MACF1: variants seen among roughly 807,000 people sequenced by gnomAD.
The protein encoded by MACF1 is microtubule actin crosslinking factor 1, also known as microtubule-actin cross-linking factor 1.
A neutral mutation model predicts 854.8 loss-of-function variants in MACF1; 193 were observed. The observed-to-expected ratio is 0.23, with a 90% CI of 0.20 to 0.25. MACF1 has a LOEUF of 0.25. Ranked by LOEUF, MACF1 falls within the 10% of genes least tolerant of loss-of-function variation. The pLI, the probability that MACF1 is intolerant of heterozygous loss-of-function variation, is 1.00. For missense variants in MACF1, 7,722 were observed against 8,929.1 expected (o/e 0.86, Z 5.45); for synonymous variants, 3,185 against 3,226.7 (o/e 0.99, Z 0.44).
intron 100 of MACF1, chr1:39,485,108 C>T: frequency 3.1e-6 from 1 of 323,742 alleles, no homozygotes; most frequent in Non-Finnish European, 5.7e-6. Flanking sequence ...CCAAGAAAGG[C>T]AGGGGAAGAT....
intron 2 of MACF1, among the ~76,000 whole-genome samples, chr1:39,123,203 A>ATTT (rs10585991): frequency 0.053 from 5,945 of 111,472 alleles, 308 homozygotes; most frequent in Middle Eastern, 0.14. Context: ...ATATATATAA[A>ATTT]TTTTTTTTTT....
intron 2 of MACF1, among the ~76,000 whole-genome samples, chr1:39,177,924 T>C (rs904279195): frequency 2.0e-5 from 3 of 152,068 alleles, no homozygotes; most frequent in Non-Finnish European, 4.4e-5. Flanking sequence ...CCCCATTGAA[T>C]AAGTAAAATG....
chr1:39,160,562 A>G (rs949783889), intron 2 of MACF1, among the ~76,000 whole-genome samples: 1 of 152,242 alleles, frequency 6.6e-6, no homozygotes, highest in African/African-American at 2.4e-5. Context: ...AACATACAAT[A>G]TATAGCAGTT....
intron 1 of MACF1, among the ~76,000 whole-genome samples, chr1:39,216,549 A>G (rs1644578932): frequency 6.6e-6 from 1 of 152,220 alleles, no homozygotes; most frequent in Non-Finnish European, 1.5e-5. Flanking sequence ...GGAGAGCAAC[A>G]GAACTAGGGT....
chr1:39,339,906 T>C (rs1646898062), intron 38 of MACF1, among the ~76,000 whole-genome samples: 1 of 152,050 alleles, frequency 6.6e-6, no homozygotes, highest in Admixed American at 6.6e-5. Flanking sequence ...TTGGGTAGGG[T>C]GGCTGAACCG....
Position 39,430,919 on chromosome 1 carries a change from T to C in MACF1, c.17337+11T>C. On this transcript the variant is annotated intron_variant, in intron 66 of 100. Transcript: ENST00000564288. ...CAGAGATCACAACAGGTAATGCTTA[T>C]AATACCTCTGCATTAATATTTTAGA... 3 of 1,600,604 alleles carry C rather than the reference T, an allele frequency of 1.9e-6. No homozygotes were observed. Among genetic ancestry groups the C allele is most frequent in the Non-Finnish European group, 2.6e-6 (3 of 1,169,324 alleles).
chr1:39,301,709 G>A (rs759822061), intron 22 of MACF1, among the ~76,000 whole-genome samples: 1 of 152,064 alleles, frequency 6.6e-6, no homozygotes, highest in Non-Finnish European at 1.5e-5. Flanking sequence ...ACAGGCATAA[G>A]CCACTGCGCC....
At chr1:39,327,821 G>A (rs568551806) in intron 36 of MACF1, among the ~76,000 whole-genome samples, 1 of 152,240 alleles carries the variant, frequency 6.6e-6, no homozygotes, top group Non-Finnish European at 1.5e-5. Flanking sequence ...TGACTAAGAC[G>A]CTGGTTCCCC....
intron 58 of MACF1, among the ~76,000 whole-genome samples, chr1:39,402,356 C>T (rs1569898820): frequency 6.6e-6 from 1 of 152,116 alleles, no homozygotes; most frequent in East Asian, 1.9e-4. Flanking sequence ...TCAGGGAAAC[C>T]TACCCTGAGC....
At chr1:39,410,732 C>T (rs1200356537) in intron 58 of MACF1, 2 of 1,613,940 alleles carry the variant, frequency 1.2e-6, no homozygotes, top group South Asian at 2.2e-5. Context: ...AGTGAGGTTT[C>T]AGAAGCTGGT....
At chr1:39,479,189 G>A (rs544075281) in intron 97 of MACF1, among the ~76,000 whole-genome samples, 2 of 152,086 alleles carry the variant, frequency 1.3e-5, no homozygotes, top group Non-Finnish European at 2.9e-5. Context: ...TCACTTAACA[G>A]TTTCTCACTA....
At position 39,331,883 on chromosome 1, in the gene MACF1, G is replaced by T; in HGVS notation, c.5295G>T (p.Leu1765Phe). The T allele has an allele frequency of 6.2e-7, 1 of 1,614,156 alleles. No homozygotes were observed. Among genetic ancestry groups the T allele is most frequent in the East Asian group, 2.2e-5 (1 of 44,878 alleles). ...TAGATAGGCAGGTCACTGTCCGGTTGCTGGAAGCTCAGCTTTTTGCTGGTG... is the reference window on the plus strand; with the variant it reads ...TAGATAGGCAGGTCACTGTCCGGTTTCTGGAAGCTCAGCTTTTTGCTGGTG... ...GLIDRQVTVR[L>F]LEAQLFAGGI... is the part of the protein sequence containing the mutation. Residue 1765 changes from leucine to phenylalanine, a missense_variant, in exon 37 of 101, where the codon TTG (leucine) becomes TTT (phenylalanine). Leu to Phe is a conservative substitution (Grantham distance 22). This residue lies in a region of MACF1 where 1,531 missense variants were observed against 1,601.6 expected (regional missense o/e 0.96). Transcript: ENST00000564288.
At chr1:39,086,923 C>T (rs762890972) in intron 2 of MACF1, among the ~76,000 whole-genome samples, 6 of 152,178 alleles carry the variant, frequency 3.9e-5, no homozygotes, top group Non-Finnish European at 7.3e-5. Context: ...GGGGAGACTG[C>T]CATGGTTAAA....
At position 39,437,957 on chromosome 1, in the gene MACF1, G is replaced by A. The variant is rs1557654691; in HGVS notation, c.18169G>A (p.Glu6057Lys). The change falls in exon 71 of 101, where the codon GAG (glutamate) becomes AAG (lysine). Residue 6057 changes from glutamate to lysine, a missense_variant. Coordinates refer to ENST00000564288, the MANE Select transcript of MACF1 (RefSeq NM_001394062.1). The stretch of plus-strand genomic sequence containing the variant: ...CTTTGAGGCCTTGAAGCGCCGTGGA[G>A]AGGAGCTTATTGGACGATCTCAGGG... ...PSFEALKRRG[E>K]ELIGRSQGAD... The A allele has an allele frequency of 2.5e-6, 4 of 1,614,130 alleles. No homozygotes were observed. The East Asian group carries it at 8.9e-5, about 36-fold the overall frequency.
At chr1:39,389,551 G>A (rs1007577000) in intron 58 of MACF1, among the ~76,000 whole-genome samples, 2 of 151,412 alleles carry the variant, frequency 1.3e-5, no homozygotes, top group African/African-American at 4.9e-5. Flanking sequence ...GTAGAGATGG[G>A]GTTTCACCAT....
At chr1:39,453,921 T>C (rs1644385807) in intron 88 of MACF1, 71 bp downstream of exon 88, 1 of 1,501,164 alleles carries the variant, frequency 6.7e-7, no homozygotes, top group Non-Finnish European at 9.0e-7. Flanking sequence ...ATAGTATTTT[T>C]CCCCCAGGTA....
intron 58 of MACF1, chr1:39,411,360 A>G (rs1642993760): frequency 6.2e-7 from 1 of 1,613,932 alleles, no homozygotes. Context: ...AAGAAAGAGA[A>G]CAAGCAAACA....
At chr1:39,085,497 G>A (rs1367475241) in intron 2 of MACF1, among the ~76,000 whole-genome samples, 2 of 152,094 alleles carry the variant, frequency 1.3e-5, no homozygotes, top group Non-Finnish European at 2.9e-5. Flanking sequence ...CCTCCACTGT[G>A]TCATCTCTCA....
At position 39,347,312 on chromosome 1, in the gene MACF1, G is replaced by A. The variant is rs778962051; in HGVS notation, c.10815+102G>A. 4.5e-4 allele frequency: 395 copies of A among 881,822 alleles called. 2 individuals carry two copies. Among genetic ancestry groups the A allele is most frequent in the Admixed American group, 7.5e-5 (3 of 40,238 alleles). The allele number at this position is 881,822 out of a possible 1,614,324, so 54.6% of individuals were successfully genotyped here. ...GTGTATCATGATTGCAGGAGCCTGG[G>A]TTTACCAATTTTGAAATTTCATGTC... On this transcript the variant is annotated intron_variant, in intron 41 of 100. Transcript: ENST00000564288.
Sources: allele counts gnomAD v4.1 joint callset (sites outside exome capture counted in the v4.1 genomes callset), GRCh38; gene constraint gnomAD v4.1.1; regional missense constraint gnomAD v4.1.1; transcripts MANE v1.5; gene names NCBI Gene and HGNC (gene_info 2026-07-23, HGNC 2026-07-21).